Variants in STARD5 observed in about 807,000 individuals in gnomAD.
The protein encoded by STARD5 is StAR related lipid transfer domain containing 5.
Under a neutral mutation model 24.6 loss-of-function variants are expected in STARD5, and 26 were observed. The observed-to-expected ratio is 1.06, with a 90% CI of 0.77 to 1.47. STARD5 has a LOEUF of 1.47. STARD5 is among the 40% of genes most tolerant of loss of function. The pLI, the probability that STARD5 is intolerant of heterozygous loss-of-function variation, is 0.00. For missense variants in STARD5, 254 were observed against 270.8 expected (o/e 0.94, Z 0.44); for synonymous variants, 101 against 99.7 (o/e 1.01, Z -0.07).
rs1372840016 is a variant in STARD5, at chr15:81,312,699, CATT to C, written c.*554_*556del. 2.0e-5 allele frequency: 3 copies of C among 152,214 alleles called. No homozygotes were observed. The highest frequency in any genetic ancestry group is 2.0e-4 in the Admixed American group (3 of 15,286). The allele number at this position is 152,214 out of a possible 1,614,324, so 9.4% of individuals were successfully genotyped here. On this transcript the variant is annotated 3_prime_UTR_variant, in exon 6 of 6. Coordinates refer to ENST00000302824, the MANE Select transcript of STARD5 (RefSeq NM_181900.3). ...CTTAATGCTTATCCTGTTTTTAAAC[CATT>C]ATTTCCAAGTTGACACCTTTTTTAA... is the stretch of plus-strand genomic sequence containing the variant.
rs1900897085 is a variant in STARD5 at position 81,312,217 on chromosome 15, C to A, written c.*1039G>T. On this transcript the variant is annotated 3_prime_UTR_variant, in exon 6 of 6. Transcript: ENST00000302824. ...AGAAAGTTGCACGGCTGCTGAGGCC[C>A]CTTCTAGGTGGCAAGGCTGTGCTCC... 6.6e-6 allele frequency: 1 copy of A among 152,304 alleles called. No individual in the cohort carries two copies. Among genetic ancestry groups the A allele is most frequent in the Non-Finnish European group, 1.5e-5 (1 of 68,130 alleles). The allele number at this position is 152,304 out of a possible 1,614,324, so 9.4% of individuals were successfully genotyped here.
chr15:81,314,142 G>C (rs760447799), intron 5 of STARD5: 3 of 152,048 alleles, frequency 2.0e-5, no homozygotes, highest in Non-Finnish European at 4.4e-5. Flanking sequence ...AATAATGATA[G>C]CTATAACCCC....
At chr15:81,320,589 C>A (rs139803140) in intron 3 of STARD5, among the ~76,000 whole-genome samples, 1 of 152,110 alleles carries the variant, frequency 6.6e-6, no homozygotes, top group African/African-American at 2.4e-5. Flanking sequence ...GGAGTGCGGG[C>A]GGCAATATGT....
chr15:81,317,161 C>T (rs1374829061), intron 5 of STARD5, among the ~76,000 whole-genome samples: 1 of 148,740 alleles, frequency 6.7e-6, no homozygotes, highest in Non-Finnish European at 1.5e-5. Flanking sequence ...TGCACCACTG[C>T]ACTCCGGCCT....
Position 81,319,370 on chromosome 15 carries a change from C to A in STARD5, c.369G>T (p.Lys123Asn). Residue 123 changes from lysine to asparagine, a missense_variant, in exon 4 of 6, where the codon AAG (lysine) becomes AAT (asparagine). Lys to Asn is a moderately conservative substitution (Grantham distance 94). Coordinates refer to ENST00000302824, the MANE Select transcript of STARD5 (RefSeq NM_181900.3). Reference protein sequence around the residue: ...PRDFVDLVLVKRYEDGTISSN... With the variant: ...PRDFVDLVLVNRYEDGTISSN... ...AACTGATGGTCCCATCCTCATATCT[C>A]TTGACTAGCACCAAGTCCACAAAAT... 6.2e-7 allele frequency: 1 copy of A among 1,614,204 alleles called. No individual in the cohort carries two copies. The highest frequency in any genetic ancestry group is 1.1e-5 in the South Asian group (1 of 91,084).
chr15:81,315,859 T>G (rs1202271126), intron 5 of STARD5, among the ~76,000 whole-genome samples: 2 of 152,204 alleles, frequency 1.3e-5, no homozygotes, highest in Admixed American at 6.5e-5. Flanking sequence ...AGGAAGTCCC[T>G]GTCCCCTGGA....
chr15:81,318,560 A>T, intron 4 of STARD5, 58 bp from the exon 5 acceptor site: 1 of 1,500,794 alleles, frequency 6.7e-7, no homozygotes, highest in Non-Finnish European at 9.2e-7. Context: ...GGTCACTGCC[A>T]TTGGGGTGCC....
In STARD5 at chr15:81,318,492, C is replaced by T. The variant is rs1385860107; in HGVS notation, c.411G>A (p.Val137=). 6.2e-7 allele frequency: 1 copy of T among 1,613,856 alleles called. No individual in the cohort carries two copies. The highest frequency in any genetic ancestry group is 1.3e-5 in the African/African-American group (1 of 74,900). The change falls in exon 5 of 6, where the codon GTG becomes GTA. Residue 137 remains valine, a synonymous_variant. Coordinates refer to ENST00000302824, the MANE Select transcript of STARD5 (RefSeq NM_181900.3). The part of the protein sequence containing the change: ...DGTISSNATH[V]EHPLCPPKPG... ...GCTTCGGGGGACATAACGGATGCTC[C>T]ACATGGGTGGCTGGAAGACAGTGCA...
At chr15:81,313,526 C>A in intron 5 of STARD5, 123 bp from the exon 6 acceptor site, 2 of 927,288 alleles carry the variant, frequency 2.2e-6, no homozygotes, top group Non-Finnish European at 3.0e-6. Flanking sequence ...GCGTCTCATC[C>A]CTTGCTGTGC....
chr15:81,309,806 G>T lies in STARD5; in HGVS notation c.*3450C>A, dbSNP rs17875557. On this transcript the variant is annotated 3_prime_UTR_variant, in exon 6 of 6. Coordinates refer to ENST00000302824, the MANE Select transcript of STARD5 (RefSeq NM_181900.3). ...CCAAGCACTGTGCTCAGGGCTAAAC[G>T]GGCATTGCCTTTAGTGATCACAGCA... 1 of 152,168 alleles carries T rather than the reference G, an allele frequency of 6.6e-6. No individual in the cohort carries two copies. Among genetic ancestry groups the T allele is most frequent in the Non-Finnish European group, 1.5e-5 (1 of 68,042 alleles). 9.4% of individuals were successfully genotyped at this position (152,168 alleles called of 1,614,324 possible).
intron 1 of STARD5, chr15:81,323,462 G>A (rs1893328749): frequency 2.6e-6 from 1 of 384,814 alleles, no homozygotes; most frequent in Non-Finnish European, 4.8e-6. Context: ...ACAAAGAGAG[G>A]GGTTCATGCT....
chr15:81,323,297 C>T (rs1373668683), intron 1 of STARD5: 4 of 357,282 alleles, frequency 1.1e-5, no homozygotes, highest in Non-Finnish European at 2.1e-5. Flanking sequence ...CTGGCAACGA[C>T]AAAGAGAGGG....
At chr15:81,321,547 C>A (rs538706652) in intron 3 of STARD5, among the ~76,000 whole-genome samples, 31 of 150,672 alleles carry the variant, frequency 2.1e-4, no homozygotes, top group African/African-American at 6.9e-4. Flanking sequence ...GAGGCAGAGG[C>A]TGCAGTGAGC....
In STARD5 at chr15:81,313,083, G is replaced by A. The variant is rs1900948903; in HGVS notation, c.*173C>T. ...CACGCCAACCCTGAGTGGGGCAGGAGGCAGGAAGGGTGGGCTGCCGCCTCT... is the reference window on the plus strand; with the variant it reads ...CACGCCAACCCTGAGTGGGGCAGGAAGCAGGAAGGGTGGGCTGCCGCCTCT... On this transcript the variant is annotated 3_prime_UTR_variant, in exon 6 of 6. Transcript: ENST00000302824. 1.5e-6 allele frequency: 1 copy of A among 671,634 alleles called. No homozygotes were observed. Among genetic ancestry groups the A allele is most frequent in the Non-Finnish European group, 2.2e-6 (1 of 445,956 alleles). The allele number at this position is 671,634 out of a possible 1,614,324, so 41.6% of individuals were successfully genotyped here. A position where few individuals can be genotyped will look rare whatever the true frequency, so the allele number is the denominator to read the frequency against.
chr15:81,321,070 A>G (rs572413750), intron 3 of STARD5, among the ~76,000 whole-genome samples: 82 of 152,312 alleles, frequency 5.4e-4, no homozygotes, highest in African/African-American at 1.8e-3. Context: ...CCACTTGGCA[A>G]TTCTCCACTT....
chr15:81,316,075 C>G (rs1362978186), intron 5 of STARD5, among the ~76,000 whole-genome samples: 3 of 152,194 alleles, frequency 2.0e-5, no homozygotes, highest in Admixed American at 2.0e-4. Context: ...TCAAAGGCCC[C>G]GCTCTTGCTC....
At chr15:81,323,260 C>A (rs1160328243) in intron 1 of STARD5, 1 of 413,718 alleles carries the variant, frequency 2.4e-6, no homozygotes, top group Non-Finnish European at 4.4e-6. Flanking sequence ...TCAGAAGGGT[C>A]AAGCAAAACT....
intron 2 of STARD5, 38 bp downstream of exon 2, chr15:81,322,861 G>C: frequency 6.2e-7 from 1 of 1,612,970 alleles, no homozygotes; most frequent in Non-Finnish European, 8.5e-7. Context: ...GGAAGGGTGC[G>C]GCACCTCTGG....
At chr15:81,317,815 T>C (rs1407218013) in intron 5 of STARD5, among the ~76,000 whole-genome samples, 1 of 152,150 alleles carries the variant, frequency 6.6e-6, no homozygotes, top group African/African-American at 2.4e-5. Context: ...CACAGAAATT[T>C]CCTGGCAAGA....
Sources: gnomAD v4.1 joint callset for allele counts (sites outside exome capture counted in the v4.1 genomes callset) on GRCh38, gnomAD v4.1.1 for gene constraint, MANE v1.5 for transcripts, NCBI Gene and HGNC (gene_info 2026-07-23, HGNC 2026-07-21) for gene names.